Variants in MKLN1 observed in about 807,000 individuals in gnomAD.
The protein encoded by MKLN1 is muskelin.
A neutral mutation model predicts 99.0 loss-of-function variants in MKLN1; 18 were observed. That is an observed-to-expected ratio of 0.18 (90% CI 0.13 to 0.27). The LOEUF (loss-of-function observed/expected upper bound fraction) is 0.27, where lower values mean the gene tolerates loss of function less well. Among genes scored for constraint, MKLN1 ranks in the 10% least tolerant of loss-of-function variants. The probability of loss-of-function intolerance (pLI) is 1.00; values close to 1 mark genes in which losing one functional copy is unlikely to be tolerated. For synonymous variants in MKLN1, 288 were observed against 293.2 expected (o/e 0.98, Z 0.18); for missense variants, 621 against 875.9 (o/e 0.71, Z 3.67).
rs1488179484 is a variant in MKLN1 at position 131,210,051 on chromosome 7, G to T, written c.-179+7077G>T. ...GTTTATGAAAAAAGTAAAACTATTTGTTTAAATCTTGTTGTTTGATATAAG... is the reference window on the plus strand; with the variant it reads ...GTTTATGAAAAAAGTAAAACTATTTTTTTAAATCTTGTTGTTTGATATAAG... On this transcript the variant is annotated intron_variant, in intron 3 of 7. Coordinates refer to the MKLN1 transcript ENST00000416992. Among the ~76,000 whole-genome samples the T allele has an allele frequency of 5.3e-5, 8 of 152,254 alleles. No homozygotes were observed. In the East Asian group the frequency reaches 1.3e-3, roughly 26 times the overall value.
Position 131,201,485 on chromosome 7 carries a change from G to A in MKLN1, c.-296-1372G>A, listed in dbSNP as rs539374759. ...TATGCAATTCTTAGCAGTCTATAGT[G>A]AAGAATTTCCAAGAAGAAGGCTACT... On this transcript the variant is annotated intron_variant, in intron 2 of 7. Transcript: ENST00000416992. Among the ~76,000 whole-genome samples, 19 of 152,298 alleles carry A rather than the reference G, an allele frequency of 1.2e-4. 1 individual carries two copies. The South Asian group carries it at 3.9e-3, about 32-fold the overall frequency.
At chr7:131,249,230 A>T (rs1797540820) in intron 3 of MKLN1, among the ~76,000 whole-genome samples, 1 of 152,202 alleles carries the variant, frequency 6.6e-6, no homozygotes, top group South Asian at 2.1e-4. Context: ...GAGGTCATTA[A>T]GGATCTCCCT....
At chr7:131,412,367 C>T (rs1417587338) in intron 7 of MKLN1, among the ~76,000 whole-genome samples, 1 of 152,094 alleles carries the variant, frequency 6.6e-6, no homozygotes, top group Non-Finnish European at 1.5e-5. Flanking sequence ...CTAAACCTAG[C>T]AAGGCATATA....
intron 2 of MKLN1, among the ~76,000 whole-genome samples, chr7:131,202,431 G>A (rs143994967): frequency 6.6e-6 from 1 of 151,954 alleles, no homozygotes; most frequent in East Asian, 1.9e-4. Flanking sequence ...TTTAATTGTT[G>A]TTGTTGTTGT....
At position 131,463,102 on chromosome 7, in the gene MKLN1, C is replaced by G. The variant is rs546946759; in HGVS notation, c.1526-115C>G. 1.4e-5 allele frequency: 12 copies of G among 886,900 alleles called. No homozygotes were observed. In the East Asian group the frequency reaches 3.3e-4, roughly 24 times the overall value. The allele number at this position is 886,900 out of a possible 1,614,324, so 54.9% of individuals were successfully genotyped here. On this transcript the variant is annotated intron_variant, in intron 12 of 17. Coordinates refer to ENST00000352689, the MANE Select transcript of MKLN1 (RefSeq NM_013255.5). ...GTGCCTCACTGCACTTCAGCTTGGG[C>G]AACAGAGTGAAATGCTGTTCTTTAA...
Position 131,491,561 on chromosome 7 carries a change from C to A in MKLN1, c.*3833C>A, listed in dbSNP as rs918802830. 1.3e-5 allele frequency: 2 copies of A among 152,086 alleles called. No individual in the cohort carries two copies. Among genetic ancestry groups the A allele is most frequent in the Non-Finnish European group, 2.9e-5 (2 of 68,004 alleles). 9.4% of individuals were successfully genotyped at this position (152,086 alleles called of 1,614,324 possible). On this transcript the variant is annotated 3_prime_UTR_variant, in exon 18 of 18. Coordinates refer to ENST00000352689, the MANE Select transcript of MKLN1 (RefSeq NM_013255.5). ...TTAATGCTGAAATGACTTGGCTATCCAAAGCTTCTAGTCTAGAGGTCTGTT... is the reference window on the plus strand; with the variant it reads ...TTAATGCTGAAATGACTTGGCTATCAAAAGCTTCTAGTCTAGAGGTCTGTT...
In MKLN1 at chr7:131,464,353, A is replaced by G; in HGVS notation, c.1733A>G (p.Glu578Gly). 6.2e-7 allele frequency: 1 copy of G among 1,613,820 alleles called. No homozygotes were observed. Among genetic ancestry groups the G allele is most frequent in the African/African-American group, 1.3e-5 (1 of 75,054 alleles). Residue 578 changes from glutamate (E) to glycine (G), a missense_variant, in exon 14 of 18, where the codon GAA becomes GGA. Coordinates refer to ENST00000352689, the MANE Select transcript of MKLN1 (RefSeq NM_013255.5). Reference protein sequence around the residue: ...AKDNPTKSLQEEEPCPRFAHQ... With the variant: ...AKDNPTKSLQGEEPCPRFAHQ... ...GATAATCCAACTAAAAGTCTTCAGG[A>G]AGAAGAACCATGTCCAAGGTTTGCC...
chr7:131,421,883 A>G (rs968362840), intron 8 of MKLN1, among the ~76,000 whole-genome samples: 3 of 152,300 alleles, frequency 2.0e-5, no homozygotes, highest in Admixed American at 6.5e-5. Context: ...ATATTTGTTT[A>G]ATCTTTTATA....
intron 2 of MKLN1, among the ~76,000 whole-genome samples, chr7:131,179,154 T>C (rs960362212): frequency 6.6e-6 from 1 of 152,254 alleles, no homozygotes; most frequent in African/African-American, 2.4e-5. Flanking sequence ...TACAATTTAT[T>C]TCTTTACTAG....
At chr7:131,336,493 A>G (rs1018861423) in intron 1 of MKLN1, among the ~76,000 whole-genome samples, 10 of 151,966 alleles carry the variant, frequency 6.6e-5, no homozygotes, top group African/African-American at 9.7e-5. Flanking sequence ...TACTTGTTCT[A>G]TATTCTATTT....
At chr7:131,469,623 C>G (rs1796761106) in intron 15 of MKLN1, among the ~76,000 whole-genome samples, 2 of 152,148 alleles carry the variant, frequency 1.3e-5, no homozygotes, top group Admixed American at 6.5e-5. Flanking sequence ...GTACAGAAAC[C>G]CTGTCACCAA....
At chr7:131,483,844 G>A (rs892595174) in intron 17 of MKLN1, among the ~76,000 whole-genome samples, 2 of 152,214 alleles carry the variant, frequency 1.3e-5, no homozygotes, top group African/African-American at 4.8e-5. Context: ...CTTTGCACAT[G>A]TCTGCAATGA....
intron 3 of MKLN1, among the ~76,000 whole-genome samples, chr7:131,252,282 C>G (rs1427860586): frequency 1.3e-5 from 2 of 151,850 alleles, no homozygotes; most frequent in East Asian, 3.9e-4. Flanking sequence ...ACAATGTAAA[C>G]CACATGCATT....
intron 2 of MKLN1, among the ~76,000 whole-genome samples, chr7:131,157,550 A>AT (rs1305156634): frequency 6.6e-6 from 1 of 152,180 alleles, no homozygotes; most frequent in African/African-American, 2.4e-5. Flanking sequence ...AATCGTATCC[A>AT]TTTTTTGGTG....
intron 2 of MKLN1, among the ~76,000 whole-genome samples, chr7:131,194,659 C>T (rs1796616288): frequency 6.6e-6 from 1 of 152,210 alleles, no homozygotes; most frequent in Admixed American, 6.5e-5. Flanking sequence ...TCCCTTATCA[C>T]AAACAGATGG....
At chr7:131,235,698 T>A (rs573697488) in intron 3 of MKLN1, among the ~76,000 whole-genome samples, 14 of 152,206 alleles carry the variant, frequency 9.2e-5, no homozygotes, top group Non-Finnish European at 2.1e-4. Flanking sequence ...GTATCTTTTT[T>A]CAGTTCCGGT....
intron 2 of MKLN1, among the ~76,000 whole-genome samples, chr7:131,177,328 C>T (rs1014925865): frequency 3.3e-5 from 5 of 151,836 alleles, no homozygotes; most frequent in African/African-American, 7.3e-5. Flanking sequence ...ATTAGCCAGA[C>T]GTGGTGGCGC....
At chr7:131,231,020 C>T (rs1389347331) in intron 3 of MKLN1, among the ~76,000 whole-genome samples, 10 of 141,964 alleles carry the variant, frequency 7.0e-5, no homozygotes, top group Non-Finnish European at 1.2e-4. Flanking sequence ...CTTGGGAGGC[C>T]GAGGCACGAG....
chr7:131,125,523 G>A (rs1440545740), intron 1 of MKLN1, among the ~76,000 whole-genome samples: 7 of 152,138 alleles, frequency 4.6e-5, no homozygotes, highest in Admixed American at 6.5e-5. Flanking sequence ...CATATGATTG[G>A]AAGTGTACAT....
Sources: gnomAD v4.1 joint callset for allele counts (sites outside exome capture counted in the v4.1 genomes callset) on GRCh38, gnomAD v4.1.1 for gene constraint, MANE v1.5 for transcripts, NCBI Gene and HGNC (gene_info 2026-07-23, HGNC 2026-07-21) for gene names.